The following IGSF21 variants were observed in gnomAD, a reference collection of about 807,000 sequenced individuals.
IGSF21 encodes the protein immunoglobin superfamily member 21.
A neutral mutation model predicts 46.8 loss-of-function variants in IGSF21; 28 were observed. That is an observed-to-expected ratio of 0.60 (90% confidence interval 0.44 to 0.82). The LOEUF is 0.82. Among genes scored for constraint, IGSF21 ranks in the 40% least tolerant of loss-of-function variants. The pLI is 0.00. For synonymous variants in IGSF21, 284 were observed against 273.6 expected (o/e 1.04, Z -0.38); for missense variants, 624 against 665.5 (o/e 0.94, Z 0.69).
chr1:18,196,551 G>T (rs77992753), intron 1 of IGSF21, among the ~76,000 whole-genome samples: 1,775 of 152,310 alleles, frequency 0.012, 35 homozygotes, highest in African/African-American at 0.041. Context: ...GGGTCCTGAA[G>T]GTACCCCCTG....
In IGSF21 at chr1:18,233,632, A is replaced by T. The variant is rs116911893; in HGVS notation, c.183+5622A>T. Among the ~76,000 whole-genome samples the T allele has an allele frequency of 3.9e-3, 601 of 152,304 alleles. 19 individuals are homozygous for T. In the South Asian group the frequency reaches 0.077, roughly 20 times the overall value. On this transcript the variant is annotated intron_variant, in intron 2 of 9. Coordinates refer to ENST00000251296, the MANE Select transcript of IGSF21 (RefSeq NM_032880.5). ...CACCTATTCAATGATAGCTATTGTC[A>T]TTTCATGTCTGTTGATAGCTTACAG...
chr1:18,132,767 AG>A lies in IGSF21; in HGVS notation c.70+24572del, dbSNP rs761245130. On this transcript the variant is annotated intron_variant, in intron 1 of 9. Transcript: ENST00000251296. ...GTGGGGGACCGCTGCTGGGTTTAAC[AG>A]GGTCTGCAAACTTCCCCATGATGCC... 3.2e-4 allele frequency among the ~76,000 whole-genome samples: 49 copies of A among 152,210 alleles called. 1 individual carries two copies. The highest frequency in any genetic ancestry group is 6.3e-4 in the Non-Finnish European group (43 of 68,000).
At position 18,376,916 on chromosome 1, in the gene IGSF21, C is replaced by T. The variant is rs1270765634; in HGVS notation, c.1218C>T (p.Leu406=). 1 of 1,612,674 alleles carries T rather than the reference C, an allele frequency of 6.2e-7. No homozygotes were observed. The highest frequency in any genetic ancestry group is 8.5e-7 in the Non-Finnish European group (1 of 1,178,894). ...ELVLERVPAE[L]NGSMYRCTAQ... ...TGCTGGAGCGGGTTCCCGCCGAGCTCAATGGCTCCATGTATCGCTGCACCG... is the reference window on the plus strand; with the variant it reads ...TGCTGGAGCGGGTTCCCGCCGAGCTTAATGGCTCCATGTATCGCTGCACCG... Residue 406 remains leucine (L), a synonymous_variant, in exon 8 of 10, where the codon CTC becomes CTT. Coordinates refer to ENST00000251296, the MANE Select transcript of IGSF21 (RefSeq NM_032880.5).
intron 2 of IGSF21, among the ~76,000 whole-genome samples, chr1:18,274,051 G>A (rs1272416556): frequency 6.6e-6 from 1 of 152,190 alleles, no homozygotes; most frequent in East Asian, 1.9e-4. Flanking sequence ...ACATGGTCCA[G>A]TTAGAAGAAA....
chr1:18,282,507 A>G (rs1248528371), intron 2 of IGSF21, among the ~76,000 whole-genome samples: 2 of 151,868 alleles, frequency 1.3e-5, no homozygotes, highest in Non-Finnish European at 2.9e-5. Flanking sequence ...TGTCTGATAG[A>G]GTTTGGGGGG....
At chr1:18,284,894 CAAACACTCTCTCGGCTGCCTG>C (rs2085197768) in intron 2 of IGSF21, among the ~76,000 whole-genome samples, 1 of 152,132 alleles carries the variant, frequency 6.6e-6, no homozygotes, top group Non-Finnish European at 1.5e-5. Flanking sequence ...ACCCTCCTTG[CAAACACTCTCTCGGCTGCCTG>C]GACACAGAGA....
rs140260505 is a variant in IGSF21, at chr1:18,118,583, C to T, written c.70+10385C>T. Among the ~76,000 whole-genome samples, 1,021 of 152,298 alleles carry T rather than the reference C, an allele frequency of 6.7e-3. 10 individuals are homozygous for T. The highest frequency in any genetic ancestry group is 0.023 in the African/African-American group (962 of 41,554). On this transcript the variant is annotated intron_variant, in intron 1 of 9. Coordinates refer to ENST00000251296, the MANE Select transcript of IGSF21 (RefSeq NM_032880.5). Reference sequence around the variant, plus strand: ...CAGCACCTAATGTCCCAGGCAGGGGCGGAAGGAGTGAGGTGGGGGGCGGCA... The same window carrying T: ...CAGCACCTAATGTCCCAGGCAGGGGTGGAAGGAGTGAGGTGGGGGGCGGCA...
chr1:18,370,954 G>T (rs2086218213), intron 6 of IGSF21, among the ~76,000 whole-genome samples: 1 of 152,196 alleles, frequency 6.6e-6, no homozygotes, highest in Admixed American at 6.5e-5. Context: ...AGAACAATCA[G>T]AATTCTCATG....
chr1:18,269,933 T>C (rs1228509782), intron 2 of IGSF21, among the ~76,000 whole-genome samples: 1 of 152,138 alleles, frequency 6.6e-6, no homozygotes, highest in African/African-American at 2.4e-5. Flanking sequence ...ACTTTTCCAG[T>C]ATGTTAGAAG....
chr1:18,124,050 A>T (rs1339299758), intron 1 of IGSF21, among the ~76,000 whole-genome samples: 1 of 152,204 alleles, frequency 6.6e-6, no homozygotes, highest in Non-Finnish European at 1.5e-5. Flanking sequence ...GCTTCAGAGC[A>T]AGAAGCAGAG....
chr1:18,149,453 C>G (rs975165665), intron 1 of IGSF21, among the ~76,000 whole-genome samples: 1 of 152,146 alleles, frequency 6.6e-6, no homozygotes, highest in South Asian at 2.1e-4. Flanking sequence ...GTGTCAATAC[C>G]GTGAATGCTG....
At chr1:18,182,983 C>T (rs2086871315) in intron 1 of IGSF21, among the ~76,000 whole-genome samples, 1 of 152,210 alleles carries the variant, frequency 6.6e-6, no homozygotes, top group South Asian at 2.1e-4. Context: ...GCGACATCAC[C>T]CTCCTTCACC....
chr1:18,172,628 C>A (rs2086749455), intron 1 of IGSF21, among the ~76,000 whole-genome samples: 1 of 152,178 alleles, frequency 6.6e-6, no homozygotes, highest in African/African-American at 2.4e-5. Context: ...TCCTCCAATC[C>A]TATCAGATTA....
chr1:18,284,379 G>A (rs1020726674), intron 2 of IGSF21, among the ~76,000 whole-genome samples: 2 of 152,184 alleles, frequency 1.3e-5, no homozygotes, highest in African/African-American at 4.8e-5. Context: ...AGGCTCCTGG[G>A]ATCAAGTGAG....
In IGSF21 at chr1:18,275,514, C is replaced by T. The variant is rs2085092166; in HGVS notation, c.184-16352C>T. Among the ~76,000 whole-genome samples the T allele has an allele frequency of 2.6e-5, 4 of 152,112 alleles. No individual in the cohort carries two copies. In the South Asian group the frequency reaches 8.3e-4, roughly 32 times the overall value. The stretch of plus-strand genomic sequence containing the variant: ...GCAGCAGCCATAAGAAGACACATGG[C>T]AGTTTAATGGGACCCTCTCTCTGAC... On this transcript the variant is annotated intron_variant, in intron 2 of 9. Coordinates refer to ENST00000251296, the MANE Select transcript of IGSF21 (RefSeq NM_032880.5).
Position 18,227,989 on chromosome 1 carries a change from GC to G in IGSF21, c.163del (p.Arg55GlyfsTer8). The G allele has an allele frequency of 6.2e-7, 1 of 1,613,894 alleles. No homozygotes were observed. The highest frequency in any genetic ancestry group is 8.5e-7 in the Non-Finnish European group (1 of 1,179,818). ...GTAACTTCAAGACAGATGGGCGCAT[GC>G]GGGAGATCGTGTGGTACCGGGTAAG... Reference protein sequence around the residue: ...KCNFKTDGRMREIVWYRVTDG... With the variant: ...KCNFKTDGRMXEIVWYRVTDG... On this transcript the variant is annotated frameshift_variant, in exon 2 of 10. Transcript: ENST00000251296. LOFTEE classifies it high-confidence loss of function.
intron 2 of IGSF21, among the ~76,000 whole-genome samples, chr1:18,239,709 C>G (rs1045195165): frequency 2.0e-5 from 3 of 152,152 alleles, no homozygotes; most frequent in African/African-American, 7.2e-5. Flanking sequence ...TCCCCTCCAT[C>G]TGGTCAACTC....
chr1:18,286,678 TC>T (rs1291705443), intron 2 of IGSF21, among the ~76,000 whole-genome samples: 1 of 152,182 alleles, frequency 6.6e-6, no homozygotes, highest in African/African-American at 2.4e-5. Flanking sequence ...CCCAGACAGA[TC>T]AGGGTCCAGG....
chr1:18,122,189 CTTTCTTTTTT>C (rs2086240168), intron 1 of IGSF21, among the ~76,000 whole-genome samples: 3 of 102,088 alleles, frequency 2.9e-5, no homozygotes, highest in South Asian at 3.1e-4. Context: ...TTCTTTCTTT[CTTTCTTTTTT>C]TTTTTTTTTT....
Sources: allele counts gnomAD v4.1 joint callset (sites outside exome capture counted in the v4.1 genomes callset), GRCh38; gene constraint gnomAD v4.1.1; transcripts MANE v1.5; gene names NCBI Gene and HGNC (gene_info 2026-07-23, HGNC 2026-07-21).